ZIM2: variants seen among roughly 807,000 people sequenced by gnomAD.
ZIM2 encodes zinc finger imprinted 2.
In ZIM2, 14 loss-of-function variants were observed where a neutral mutation model predicts 38.6. That is an observed-to-expected ratio of 0.36 (90% CI 0.24 to 0.57). The LOEUF is 0.57. Ranked by LOEUF, ZIM2 falls within the 20% of genes least tolerant of loss-of-function variation. The probability of loss-of-function intolerance (pLI) is 0.81; values close to 1 mark genes in which losing one functional copy is unlikely to be tolerated. For synonymous variants in ZIM2, 247 were observed against 245.8 expected, an observed-to-expected ratio of 1.00 and a Z score of -0.04; for missense variants, 680 against 695.1, an observed-to-expected ratio of 0.98 and a Z score of 0.24.
chr19:56,820,585 C>A lies in ZIM2; in HGVS notation c.294+1066G>T, dbSNP rs11880576. Among the ~76,000 whole-genome samples, 283 of 152,302 alleles carry A rather than the reference C, an allele frequency of 1.9e-3. 1 individual carries two copies. The highest frequency in any genetic ancestry group is 6.7e-3 in the African/African-American group (277 of 41,560). ...CTGAGCTCTCCCTAATGCCTGGGGT[C>A]CCCTCCCCCAACACCTGACCCGGCG... On this transcript the variant is annotated intron_variant, in intron 7 of 12. Coordinates refer to ENST00000629319, the MANE Select transcript of ZIM2 (RefSeq NM_001387356.1).
At chr19:56,793,486 G>A (rs1313718059) in intron 9 of ZIM2, among the ~76,000 whole-genome samples, 1 of 152,174 alleles carries the variant, frequency 6.6e-6, no homozygotes, top group African/African-American at 2.4e-5. Context: ...CTCAGGACCT[G>A]CAGAAATTAC....
intron 2 of ZIM2, among the ~76,000 whole-genome samples, chr19:56,832,823 G>C (rs542355023): frequency 1.3e-5 from 2 of 152,316 alleles, no homozygotes; most frequent in Admixed American, 6.5e-5. Context: ...TCTGTATACA[G>C]AACAAGCCTG....
At chr19:56,782,564 C>A in intron 10 of ZIM2, 1 of 409,290 alleles carries the variant, frequency 2.4e-6, no homozygotes. Context: ...CCATTTTATA[C>A]CCATTCAATT....
At chr19:56,810,698 A>G in intron 9 of ZIM2, 1 of 982,650 alleles carries the variant, frequency 1.0e-6, no homozygotes. Flanking sequence ...TATTTTCCAC[A>G]TCTTTTCATT....
Position 56,814,197 on chromosome 19 carries a change from A to T in ZIM2, c.490+3549T>A. The T allele has an allele frequency of 6.2e-7, 1 of 1,611,526 alleles. No individual in the cohort carries two copies. The highest frequency in any genetic ancestry group is 8.5e-7 in the Non-Finnish European group (1 of 1,178,250). On this transcript the variant is annotated intron_variant, in intron 9 of 12. Transcript: ENST00000629319. The surrounding 1 kb of genome is among the most constrained non-coding windows in gnomAD (Gnocchi z 5.8). ...CTTCAGCCTCTCCGTTTGGCTCAGC[A>T]GCCTCCACTTCTGGCTCAGCAGCCT...
At chr19:56,791,068 C>A (rs2046907956) in intron 9 of ZIM2, 1 of 152,110 alleles carries the variant, frequency 6.6e-6, no homozygotes, top group African/African-American at 2.4e-5. Context: ...ACTCTCTTTC[C>A]TTCTCACTGA....
At chr19:56,791,362 A>G (rs1382047863) in intron 9 of ZIM2, 1 of 152,196 alleles carries the variant, frequency 6.6e-6, no homozygotes, top group East Asian at 1.9e-4. Flanking sequence ...ACATGAAAGA[A>G]CACCTATGAT....
At chr19:56,784,358 ATAT>A (rs758425805) in intron 10 of ZIM2, among the ~76,000 whole-genome samples, 8 of 152,220 alleles carry the variant, frequency 5.3e-5, no homozygotes, top group Admixed American at 6.5e-5. Context: ...TGGATAATCA[ATAT>A]TATTATATTA....
chr19:56,807,863 A>G (rs2047833886), intron 9 of ZIM2, among the ~76,000 whole-genome samples: 1 of 152,194 alleles, frequency 6.6e-6, no homozygotes, highest in Non-Finnish European at 1.5e-5. Flanking sequence ...ACTTAAATTC[A>G]TTCAGGTTAA....
chr19:56,835,077 A>G (rs1393626894), intron 2 of ZIM2, among the ~76,000 whole-genome samples: 1 of 152,096 alleles, frequency 6.6e-6, no homozygotes, highest in African/African-American at 2.4e-5. Flanking sequence ...CACCTCTCAA[A>G]TAATCTACCC....
chr19:56,825,415 T>C (rs2060923958), intron 3 of ZIM2, among the ~76,000 whole-genome samples: 3 of 152,262 alleles, frequency 2.0e-5, no homozygotes, highest in African/African-American at 7.2e-5. Context: ...AGGTCTAATC[T>C]GTCTAAAAGA....
chr19:56,823,407 T>C (rs1238436334), intron 5 of ZIM2, among the ~76,000 whole-genome samples, 183 bp downstream of exon 5: 1 of 152,206 alleles, frequency 6.6e-6, no homozygotes, highest in Non-Finnish European at 1.5e-5. Context: ...TTAAGGTGTC[T>C]GTTTAGATAT....
Position 56,814,360 on chromosome 19 carries a change from T to A in ZIM2, c.490+3386A>T. ...TGCTGCTGCAGCTGCTGCTGCTTCA[T>A]CTTCTTCTTCTTCTTCCAGATGAAG... is the stretch of plus-strand genomic sequence containing the variant. On this transcript the variant is annotated intron_variant, in intron 9 of 12. Coordinates refer to ENST00000629319, the MANE Select transcript of ZIM2 (RefSeq NM_001387356.1). This position sits in a 1 kb window ranked among gnomAD's most constrained non-coding sequence, Gnocchi z 5.8. The A allele has an allele frequency of 6.2e-7, 1 of 1,603,278 alleles. No individual in the cohort carries two copies. The highest frequency in any genetic ancestry group is 1.1e-5 in the South Asian group (1 of 90,754).
At chr19:56,838,713 C>T (rs989776900) in intron 1 of ZIM2, among the ~76,000 whole-genome samples, 2 of 152,218 alleles carry the variant, frequency 1.3e-5, no homozygotes, top group Non-Finnish European at 2.9e-5. Context: ...GCACGTCTCC[C>T]GGCTCCCCCA....
At chr19:56,827,557 C>T (rs757247864) in intron 2 of ZIM2, among the ~76,000 whole-genome samples, 4 of 152,192 alleles carry the variant, frequency 2.6e-5, no homozygotes, top group African/African-American at 4.8e-5. Flanking sequence ...AACAAGTACA[C>T]TCATATACTG....
In ZIM2 at chr19:56,823,683, A is replaced by C. The variant is rs73935923; in HGVS notation, c.17-4T>G. On this transcript the variant is annotated splice_region_variant and splice_polypyrimidine_tract_variant and intron_variant, in intron 4 of 12. Coordinates refer to ENST00000629319, the MANE Select transcript of ZIM2 (RefSeq NM_001387356.1). The stretch of plus-strand genomic sequence containing the variant: ...GTCACGTCACTGTTGTTGTCGTCTA[A>C]GAGGACACCGGTCGCCAAGTTACTA... 4,000 of 1,614,158 alleles carry C rather than the reference A, an allele frequency of 2.5e-3. 105 individuals carry two copies. The African/African-American group carries it at 0.048, about 19-fold the overall frequency.
chr19:56,831,983 T>C (rs1043489544), intron 2 of ZIM2, among the ~76,000 whole-genome samples: 1 of 152,202 alleles, frequency 6.6e-6, no homozygotes, highest in Non-Finnish European at 1.5e-5. Context: ...CATGATCTCA[T>C]GTATGTAAAA....
intron 12 of ZIM2, 130 bp from the exon 13 acceptor site, chr19:56,775,659 A>T (rs1568560012): frequency 7.1e-7 from 1 of 1,400,692 alleles, no homozygotes; most frequent in Non-Finnish European, 9.3e-7. Context: ...CCTAATCTGA[A>T]AAAAAAAAAG....
chr19:56,821,982 C>T (rs941126319), intron 6 of ZIM2, among the ~76,000 whole-genome samples: 1 of 152,096 alleles, frequency 6.6e-6, no homozygotes, highest in African/African-American at 2.4e-5. Flanking sequence ...CTTCTGCTCC[C>T]AGTCTCGGAG....
Sources: allele counts gnomAD v4.1 joint callset (sites outside exome capture counted in the v4.1 genomes callset), GRCh38; gene constraint gnomAD v4.1.1; non-coding constraint Gnocchi (gnomAD v3.1); transcripts MANE v1.5; gene names NCBI Gene and HGNC (gene_info 2026-07-23, HGNC 2026-07-21).